RANBP17: variants seen among roughly 807,000 people sequenced by gnomAD.
RANBP17 encodes RAN binding protein 17.
In RANBP17, 158 loss-of-function variants were observed where a neutral mutation model predicts 141.2. The ratio of observed to expected loss-of-function variants is 1.12; its 90% confidence interval spans 0.98 to 1.28. The LOEUF is 1.28. RANBP17 is among the 50% of genes most tolerant of loss of function. The probability of loss-of-function intolerance (pLI) is 0.00; values close to 1 mark genes in which losing one functional copy is unlikely to be tolerated. For missense variants in RANBP17, 1,438 were observed against 1,290.7 expected (o/e 1.11, Z -1.75); for synonymous variants, 430 against 450.0 (o/e 0.96, Z 0.56).
At chr5:171,297,343 AAGAC>A (rs1342688001) in intron 27 of RANBP17, among the ~76,000 whole-genome samples, 2 of 152,220 alleles carry the variant, frequency 1.3e-5, no homozygotes, top group East Asian at 3.8e-4. Flanking sequence ...TCTAGTAGAA[AAGAC>A]AGACAGTAAT....
intron 25 of RANBP17, among the ~76,000 whole-genome samples, chr5:171,287,720 T>A (rs950311745): frequency 2.6e-5 from 4 of 152,088 alleles, no homozygotes; most frequent in Non-Finnish European, 4.4e-5. Flanking sequence ...TTCTTTTTTG[T>A]TGTTGCTGTT....
intron 22 of RANBP17, among the ~76,000 whole-genome samples, chr5:171,233,991 G>C (rs1764369675): frequency 6.6e-6 from 1 of 151,786 alleles, no homozygotes; most frequent in Non-Finnish European, 1.5e-5. Context: ...GGGGGCAGGA[G>C]ATGTATGGTA....
chr5:171,060,771 C>G (rs796308664), intron 14 of RANBP17, among the ~76,000 whole-genome samples: 1 of 151,798 alleles, frequency 6.6e-6, no homozygotes, highest in Non-Finnish European at 1.5e-5. Flanking sequence ...TGGTAGAATT[C>G]GGCTGTGAAT....
intron 14 of RANBP17, chr5:171,143,342 T>C (rs1336871435): frequency 6.6e-6 from 1 of 152,262 alleles, no homozygotes; most frequent in Non-Finnish European, 1.5e-5. Flanking sequence ...GTTTTTCTGT[T>C]TGCTCCGTGG....
chr5:171,073,257 T>G (rs1784731609), intron 14 of RANBP17, among the ~76,000 whole-genome samples: 1 of 152,160 alleles, frequency 6.6e-6, no homozygotes, highest in Non-Finnish European at 1.5e-5. Context: ...TGACATATCT[T>G]AATGAAAGTG....
intron 14 of RANBP17, among the ~76,000 whole-genome samples, chr5:171,035,748 T>G (rs548003155): frequency 5.5e-4 from 83 of 150,534 alleles, no homozygotes; most frequent in African/African-American, 9.5e-4. Flanking sequence ...TTTTTTTTTT[T>G]TTTTTTTTAA....
intron 14 of RANBP17, among the ~76,000 whole-genome samples, chr5:171,131,894 G>A (rs1452797131): frequency 1.3e-5 from 2 of 152,146 alleles, no homozygotes; most frequent in South Asian, 4.1e-4. Flanking sequence ...ATTGAACCTA[G>A]TAAATGAGAG....
At chr5:171,291,629 C>G (rs902057532) in intron 25 of RANBP17, among the ~76,000 whole-genome samples, 4 of 152,206 alleles carry the variant, frequency 2.6e-5, no homozygotes, top group Admixed American at 6.5e-5. Flanking sequence ...GGAAGTGATT[C>G]TGTGCTTAAG....
intron 12 of RANBP17, among the ~76,000 whole-genome samples, chr5:170,940,712 T>G (rs1774256705): frequency 6.6e-6 from 1 of 152,106 alleles, no homozygotes; most frequent in South Asian, 2.1e-4. Context: ...GTTAGTAAAT[T>G]TAGGAGGGAT....
At chr5:170,986,678 C>G (rs941667145) in intron 14 of RANBP17, among the ~76,000 whole-genome samples, 1 of 151,802 alleles carries the variant, frequency 6.6e-6, no homozygotes, top group African/African-American at 2.4e-5. Flanking sequence ...GGGGAATTAT[C>G]TAAACTTTCA....
intron 14 of RANBP17, among the ~76,000 whole-genome samples, chr5:171,068,635 G>C (rs947811375): frequency 6.6e-6 from 1 of 152,048 alleles, no homozygotes; most frequent in Non-Finnish European, 1.5e-5. Context: ...TGCCCAGGTT[G>C]GAGTGCAGGG....
chr5:171,196,294 T>G (rs1402850615), intron 18 of RANBP17, among the ~76,000 whole-genome samples: 2 of 151,972 alleles, frequency 1.3e-5, no homozygotes, highest in Non-Finnish European at 2.9e-5. Flanking sequence ...ATTTGCTCCT[T>G]GACTTCTCCC....
chr5:171,027,601 A>T (rs569812374), intron 14 of RANBP17, among the ~76,000 whole-genome samples: 5 of 151,832 alleles, frequency 3.3e-5, no homozygotes, highest in African/African-American at 1.2e-4. Context: ...ATTATAATTA[A>T]TAATAATAAT....
chr5:171,287,611 C>G (rs1483441511), intron 25 of RANBP17, among the ~76,000 whole-genome samples: 2 of 152,052 alleles, frequency 1.3e-5, no homozygotes, highest in African/African-American at 2.4e-5. Context: ...GTCCCCACCC[C>G]CTATCCAGGT....
chr5:171,024,411 T>G (rs1031104136), intron 14 of RANBP17, among the ~76,000 whole-genome samples: 4 of 152,164 alleles, frequency 2.6e-5, no homozygotes, highest in African/African-American at 9.7e-5. Flanking sequence ...ACATATTGTC[T>G]ATAGCTGCTT....
chr5:171,158,533 A>G (rs1023023921), intron 14 of RANBP17: 3 of 178,918 alleles, frequency 1.7e-5, no homozygotes, highest in East Asian at 9.3e-5. Flanking sequence ...AAAAATTATA[A>G]CATAATAGAA....
chr5:170,942,431 A>G (rs1774403588), intron 12 of RANBP17, among the ~76,000 whole-genome samples: 1 of 152,222 alleles, frequency 6.6e-6, no homozygotes, highest in Admixed American at 6.5e-5. Context: ...AAAAAAATGA[A>G]TGAACTATAC....
At chr5:170,928,790 G>A (rs752893511) in intron 12 of RANBP17, among the ~76,000 whole-genome samples, 5 of 146,894 alleles carry the variant, frequency 3.4e-5, no homozygotes, top group Non-Finnish European at 7.5e-5. Context: ...TTTCAAAACC[G>A]TTTGGCTATT....
chr5:170,877,413 C>T (rs1017912480), intron 1 of RANBP17, among the ~76,000 whole-genome samples: 4 of 151,920 alleles, frequency 2.6e-5, no homozygotes, highest in Non-Finnish European at 4.4e-5. Context: ...TACAGGTGTA[C>T]CCTACTATAC....
Sources: gnomAD v4.1 joint callset for allele counts (sites outside exome capture counted in the v4.1 genomes callset) on GRCh38, gnomAD v4.1.1 for gene constraint, MANE v1.5 for transcripts, NCBI Gene and HGNC (gene_info 2026-07-23, HGNC 2026-07-21) for gene names.